SPTBN1: variants seen among roughly 807,000 people sequenced by gnomAD.
The protein encoded by SPTBN1 is spectrin beta, non-erythrocytic 1, also known as spectrin beta chain, non-erythrocytic 1.
Under a neutral mutation model 266.4 loss-of-function variants are expected in SPTBN1, and 32 were observed. The ratio of observed to expected loss-of-function variants is 0.12; its 90% CI spans 0.09 to 0.16. SPTBN1 has a LOEUF of 0.16. Ranked by LOEUF, SPTBN1 falls within the 10% of genes least tolerant of loss-of-function variation. The pLI is 1.00. For missense variants in SPTBN1, 2,296 were observed against 3,067.1 expected, an observed-to-expected ratio of 0.75 and a Z score of 5.94; for synonymous variants, 1,336 against 1,162.2, an observed-to-expected ratio of 1.15 and a Z score of -3.04.
chr2:54,465,071 A>G (rs976370401), intron 1 of SPTBN1, among the ~76,000 whole-genome samples: 58 of 152,222 alleles, frequency 3.8e-4, no homozygotes, highest in Admixed American at 3.9e-4. Flanking sequence ...GAAAAAAGTA[A>G]ATCTGTCCAA....
At chr2:54,490,654 A>G (rs1440462062) in intron 1 of SPTBN1, among the ~76,000 whole-genome samples, 1 of 152,220 alleles carries the variant, frequency 6.6e-6, no homozygotes, top group Non-Finnish European at 1.5e-5. Context: ...CCACCTTAGT[A>G]GCAAAGATGG....
intron 2 of SPTBN1, among the ~76,000 whole-genome samples, chr2:54,583,476 T>C (rs372602470): frequency 6.6e-5 from 10 of 152,190 alleles, no homozygotes; most frequent in South Asian, 2.1e-4. Flanking sequence ...AGAAGATACC[T>C]GGAGGCTGAC....
intron 32 of SPTBN1, chr2:54,661,027 G>C (rs941465164): frequency 1.0e-6 from 1 of 985,252 alleles, no homozygotes; most frequent in African/African-American, 1.7e-5. Flanking sequence ...TTGGTGGACC[G>C]TGCCTGGGAG....
At chr2:54,532,257 C>G (rs963507413) in intron 2 of SPTBN1, among the ~76,000 whole-genome samples, 5 of 152,090 alleles carry the variant, frequency 3.3e-5, no homozygotes, top group African/African-American at 7.2e-5. Flanking sequence ...CCACTGCACT[C>G]CAGCCCGGGC....
At chr2:54,475,122 C>G (rs1558758104) in intron 1 of SPTBN1, among the ~76,000 whole-genome samples, 2 of 152,238 alleles carry the variant, frequency 1.3e-5, no homozygotes, top group Non-Finnish European at 2.9e-5. Flanking sequence ...AGGAGAATCA[C>G]TTGAGCCCGG....
Position 54,643,013 on chromosome 2 carries a change from A to T in SPTBN1, c.3889A>T (p.Thr1297Ser), listed in dbSNP as rs779468048. The T allele has an allele frequency of 4.9e-5, 79 of 1,613,698 alleles. No individual in the cohort carries two copies. Among genetic ancestry groups the T allele is most frequent in the Non-Finnish European group, 6.0e-5 (71 of 1,179,790 alleles). Reference protein sequence around the residue: ...LSLWINEKMLTAQDMSYDEAR... With the variant: ...LSLWINEKMLSAQDMSYDEAR... The stretch of plus-strand genomic sequence containing the variant: ...TCTCTGGATCAATGAGAAGATGCTC[A>T]CAGCCCAGGACATGTCTTACGATGA... Residue 1297 changes from threonine to serine, a missense_variant, in exon 19 of 36, where the codon ACA becomes TCA. Thr to Ser is a moderately conservative substitution (Grantham distance 58). This residue lies in a region of SPTBN1 where 386 missense variants were observed against 486.1 expected (regional missense o/e 0.79). Coordinates refer to ENST00000356805, the MANE Select transcript of SPTBN1 (RefSeq NM_003128.3).
intron 1 of SPTBN1, among the ~76,000 whole-genome samples, chr2:54,524,948 CA>C (rs1475567016): frequency 1.0e-5 from 1 of 96,960 alleles, no homozygotes; most frequent in Non-Finnish European, 2.2e-5. Flanking sequence ...ACTCTGCTGT[CA>C]TTTTTTTTTA....
Position 54,649,889 on chromosome 2 carries a change from A to G in SPTBN1, c.5477A>G (p.Lys1826Arg), listed in dbSNP as rs1442607242. The change falls in exon 26 of 36, where the codon AAG becomes AGG. Residue 1826 changes from lysine (K) to arginine (R), a missense_variant. Transcript: ENST00000356805. This position sits in a 1 kb window ranked among gnomAD's most constrained non-coding sequence, Gnocchi z 6.7. The part of the protein sequence containing the change: ...EIFGRIQDKH[K>R]KLPEELGRDQ... ...TTTGGGCGTATACAGGACAAACACAAGAAACTCCCTGAGGAGCTTGGGAGA... is the reference window on the plus strand; with the variant it reads ...TTTGGGCGTATACAGGACAAACACAGGAAACTCCCTGAGGAGCTTGGGAGA... The G allele has an allele frequency of 1.2e-6, 2 of 1,614,232 alleles. No homozygotes were observed. Among genetic ancestry groups the G allele is most frequent in the East Asian group, 2.2e-5 (1 of 44,894 alleles).
At chr2:54,572,574 T>C (rs1277893543) in intron 2 of SPTBN1, among the ~76,000 whole-genome samples, 2 of 152,194 alleles carry the variant, frequency 1.3e-5, no homozygotes, top group Non-Finnish European at 2.9e-5. Flanking sequence ...TGAAGACATA[T>C]CTGAAAGAAA....
intron 11 of SPTBN1, 46 bp downstream of exon 11, chr2:54,625,008 A>G (rs751296351): frequency 9.2e-6 from 14 of 1,528,242 alleles, no homozygotes; most frequent in East Asian, 4.6e-5. Flanking sequence ...AGGGTAATCT[A>G]GAAACACAGA....
At position 54,558,007 on chromosome 2, in the gene SPTBN1, G is replaced by A. The variant is rs1248903704; in HGVS notation, c.148+31441G>A. ...GCTAGAGAGTGAATGAGCCGCGCGGGCCCGGGACCCTTGGGGCTCTTCACT... is the reference window on the plus strand; with the variant it reads ...GCTAGAGAGTGAATGAGCCGCGCGGACCCGGGACCCTTGGGGCTCTTCACT... On this transcript the variant is annotated intron_variant, in intron 2 of 35. Transcript: ENST00000356805. The surrounding 1 kb of genome is among the most constrained non-coding windows in gnomAD (Gnocchi z 4.6). 1 of 985,440 alleles carries A rather than the reference G, an allele frequency of 1.0e-6. No homozygotes were observed. The highest frequency in any genetic ancestry group is 1.2e-6 in the Non-Finnish European group (1 of 829,916). 61.0% of individuals were successfully genotyped at this position (985,440 alleles called of 1,614,324 possible).
chr2:54,483,069 T>C (rs1368752648), intron 1 of SPTBN1, among the ~76,000 whole-genome samples: 1 of 152,130 alleles, frequency 6.6e-6, no homozygotes, highest in Non-Finnish European at 1.5e-5. Context: ...GAATGCAGCT[T>C]TATTCTTTCA....
chr2:54,575,178 C>G (rs992062917), intron 2 of SPTBN1, among the ~76,000 whole-genome samples: 4 of 152,146 alleles, frequency 2.6e-5, no homozygotes, highest in Admixed American at 2.6e-4. Flanking sequence ...TGTTTTAAAT[C>G]CAGAGCGTTG....
chr2:54,644,103 A>G (rs1036448902), intron 19 of SPTBN1, among the ~76,000 whole-genome samples: 1 of 152,210 alleles, frequency 6.6e-6, no homozygotes, highest in Non-Finnish European at 1.5e-5. Context: ...AGACTATTTC[A>G]GCATGTAACA....
chr2:54,464,428 A>G (rs984757626), intron 1 of SPTBN1, among the ~76,000 whole-genome samples: 1 of 152,228 alleles, frequency 6.6e-6, no homozygotes, highest in Non-Finnish European at 1.5e-5. Context: ...GCAAAATTGT[A>G]TAGTGTACTA....
Position 54,541,047 on chromosome 2 carries a change from G to A in SPTBN1, c.148+14481G>A, listed in dbSNP as rs536757867. Among the ~76,000 whole-genome samples the A allele has an allele frequency of 2.6e-5, 4 of 152,274 alleles. No individual in the cohort carries two copies. The South Asian group carries it at 8.3e-4, about 32-fold the overall frequency. On this transcript the variant is annotated intron_variant, in intron 2 of 35. Coordinates refer to ENST00000356805, the MANE Select transcript of SPTBN1 (RefSeq NM_003128.3). The stretch of plus-strand genomic sequence containing the variant: ...CAATCTAGTAACTTCCTAAATCCAT[G>A]CCACTAGCAGCATGTTATTTAGCCA...
At chr2:54,651,163 A>G (rs978030151) in intron 26 of SPTBN1, among the ~76,000 whole-genome samples, 1 of 152,246 alleles carries the variant, frequency 6.6e-6, no homozygotes, top group Non-Finnish European at 1.5e-5. Flanking sequence ...CCTTGACAAC[A>G]TAGGTCTTTC....
chr2:54,568,348 TCAAA>T (rs1558849919), intron 2 of SPTBN1, among the ~76,000 whole-genome samples: 1 of 62,694 alleles, frequency 1.6e-5, no homozygotes, highest in South Asian at 5.5e-4. Flanking sequence ...AGACTCTGTC[TCAAA>T]AAAAAAAAAA....
Position 54,559,015 on chromosome 2 carries a change from C to T in SPTBN1, c.148+32449C>T, listed in dbSNP as rs948574422. On this transcript the variant is annotated intron_variant, in intron 2 of 35. Transcript: ENST00000356805. ...CCCAGACCCTGTGGTTGGCTGCGGG[C>T]ACCCCATTCACGACTTAGGGAAGGC... The T allele has an allele frequency of 1.3e-5, 14 of 1,046,994 alleles. No individual in the cohort carries two copies. The African/African-American group carries it at 2.1e-4, about 16-fold the overall frequency. The allele number at this position is 1,046,994 out of a possible 1,614,324, so 64.9% of individuals were successfully genotyped here. A position where few individuals can be genotyped will look rare whatever the true frequency, so the allele number is the denominator to read the frequency against.
Sources: allele counts gnomAD v4.1 joint callset (sites outside exome capture counted in the v4.1 genomes callset), GRCh38; gene constraint gnomAD v4.1.1; regional missense constraint gnomAD v4.1.1; non-coding constraint Gnocchi (gnomAD v3.1); transcripts MANE v1.5; gene names NCBI Gene and HGNC (gene_info 2026-07-23, HGNC 2026-07-21).